The following DOT1L variants were observed in gnomAD, a reference collection of about 807,000 sequenced individuals.
The protein encoded by DOT1L is histone-lysine N-methyltransferase, H3 lysine-79 specific.
In DOT1L, 33 loss-of-function variants were observed where a neutral mutation model predicts 153.3. The observed-to-expected ratio is 0.22, with a 90% CI of 0.16 to 0.29. The LOEUF (loss-of-function observed/expected upper bound fraction) is 0.29. Ranked by LOEUF, DOT1L falls within the 10% of genes least tolerant of loss-of-function variation. The probability of loss-of-function intolerance (pLI) is 1.00; values close to 1 mark genes in which losing one functional copy is unlikely to be tolerated. For missense variants in DOT1L, 1,847 were observed against 2,119.9 expected (o/e 0.87, Z 2.53); for synonymous variants, 1,135 against 965.1 (o/e 1.18, Z -3.26).
intron 27 of DOT1L, chr19:2,228,522 G>A: frequency 8.6e-7 from 1 of 1,164,254 alleles, no homozygotes; most frequent in Non-Finnish European, 1.1e-6. Flanking sequence ...AGACCAGGGA[G>A]ATGGTCGCGA....
intron 8 of DOT1L, 45 bp from the exon 9 acceptor site, chr19:2,202,655 G>A (rs765326663): frequency 9.4e-6 from 15 of 1,591,868 alleles, no homozygotes; most frequent in Middle Eastern, 1.7e-4. Context: ...GGCTGTGCCC[G>A]TGAGACGAGC....
At chr19:2,172,383 G>T (rs2021686044) in intron 1 of DOT1L, among the ~76,000 whole-genome samples, 1 of 151,624 alleles carries the variant, frequency 6.6e-6, no homozygotes, top group Non-Finnish European at 1.5e-5. Flanking sequence ...CAGAGATGGG[G>T]TTTCACCATG....
chr19:2,195,297 G>C (rs1473535921), intron 7 of DOT1L, among the ~76,000 whole-genome samples: 2 of 152,092 alleles, frequency 1.3e-5, no homozygotes, highest in Admixed American at 1.3e-4. Context: ...TAGACACCAG[G>C]CTCCGCCCTG....
intron 1 of DOT1L, among the ~76,000 whole-genome samples, chr19:2,169,769 A>G (rs2020057400): frequency 2.0e-5 from 3 of 152,216 alleles, no homozygotes; most frequent in South Asian, 4.1e-4. Flanking sequence ...GCCCAAATAA[A>G]TGCTCCACTT....
In DOT1L at chr19:2,229,609, G is replaced by A. The variant is rs542229504; in HGVS notation, c.4607-176G>A. ...GGTGTCAGGCTCCCTGGTCTGTCAC[G>A]GGGCACGCCCGTCGTCTGTTGTGGT... On this transcript the variant is annotated intron_variant, in intron 27 of 27. Transcript: ENST00000398665. The A allele has an allele frequency of 2.5e-5, 25 of 985,448 alleles. No individual in the cohort carries two copies. In the Admixed American group the frequency reaches 7.4e-4, roughly 29 times the overall value. 61.0% of individuals were successfully genotyped at this position (985,448 alleles called of 1,614,324 possible). A position where few individuals can be genotyped will look rare whatever the true frequency, so the allele number is the denominator to read the frequency against.
intron 1 of DOT1L, among the ~76,000 whole-genome samples, chr19:2,171,552 C>A (rs141332840): frequency 6.6e-6 from 1 of 152,206 alleles, no homozygotes; most frequent in African/African-American, 2.4e-5. Context: ...GCCCCACCAC[C>A]GAGGGCGGGC....
At chr19:2,183,131 T>C (rs1006849442) in intron 2 of DOT1L, among the ~76,000 whole-genome samples, 2 of 152,162 alleles carry the variant, frequency 1.3e-5, no homozygotes, top group African/African-American at 2.4e-5. Flanking sequence ...CAAACACCAT[T>C]CAGTCCCCAT....
chr19:2,210,352 C>G, intron 12 of DOT1L, 48 bp from the exon 13 acceptor site: 1 of 1,440,514 alleles, frequency 6.9e-7, no homozygotes, highest in Non-Finnish European at 9.2e-7. Flanking sequence ...GCAGGAGGGC[C>G]GTGGGCAGCG....
At chr19:2,227,335 G>A (rs751736272) in intron 27 of DOT1L, 6 of 755,412 alleles carry the variant, frequency 7.9e-6, no homozygotes, top group South Asian at 1.5e-5. Flanking sequence ...GGGTTCTCTG[G>A]TTGTAACCGC....
At chr19:2,227,701 G>T (rs1270806392) in intron 27 of DOT1L, 15 of 1,297,842 alleles carry the variant, frequency 1.2e-5, no homozygotes, top group African/African-American at 3.1e-5. Context: ...GGATGCTGCC[G>T]CTTGTTGAAG....
chr19:2,182,223 A>G (rs1246712282), intron 2 of DOT1L, among the ~76,000 whole-genome samples: 2 of 151,812 alleles, frequency 1.3e-5, no homozygotes, highest in African/African-American at 2.4e-5. Flanking sequence ...GTGAGACTCC[A>G]TCTCAAAAAT....
At position 2,218,000 on chromosome 19, in the gene DOT1L, C is replaced by A; in HGVS notation, c.2691+82C>A. On this transcript the variant is annotated intron_variant, in intron 22 of 27. Coordinates refer to ENST00000398665, the MANE Select transcript of DOT1L (RefSeq NM_032482.3). This position sits in a 1 kb window ranked among gnomAD's most constrained non-coding sequence, Gnocchi z 7.3. ...GGTGCTCGAGACCTGGCTCACTTTG[C>A]GAAGTCTCACGCTGTAAAATGTCGA... 6.6e-7 allele frequency: 1 copy of A among 1,526,656 alleles called. No homozygotes were observed. Among genetic ancestry groups the A allele is most frequent in the Admixed American group, 1.9e-5 (1 of 52,412 alleles). 94.6% of individuals were successfully genotyped at this position (1,526,656 alleles called of 1,614,324 possible).
At chr19:2,210,089 G>T (rs746846205) in intron 12 of DOT1L, among the ~76,000 whole-genome samples, 1 of 152,228 alleles carries the variant, frequency 6.6e-6, no homozygotes, top group Non-Finnish European at 1.5e-5. Flanking sequence ...GGGGCTTCTC[G>T]TCTCCTGTCT....
intron 27 of DOT1L, chr19:2,228,705 G>C (rs2024474547): frequency 1.0e-6 from 1 of 985,422 alleles, no homozygotes; most frequent in Non-Finnish European, 1.2e-6. Flanking sequence ...GGGGCTGGGA[G>C]CTCTAGCTCC....
At chr19:2,227,407 G>A (rs1431043711) in intron 27 of DOT1L, 1 of 671,330 alleles carries the variant, frequency 1.5e-6, no homozygotes, top group South Asian at 1.5e-5. Flanking sequence ...TTTCTCCCGT[G>A]GAGGTCACCT....
Position 2,230,186 on chromosome 19 carries a change from C to G in DOT1L, c.*394C>G, listed in dbSNP as rs1296423534. The G allele has an allele frequency of 2.1e-6, 1 of 469,920 alleles. No homozygotes were observed. The highest frequency in any genetic ancestry group is 3.7e-6 in the Non-Finnish European group (1 of 268,888). The allele number at this position is 469,920 out of a possible 1,614,324, so 29.1% of individuals were successfully genotyped here. ...TGCTATCTCGTCCCCAGGCCCGCGC[C>G]TGCCTCCACCCGCTTGGTGCTGACT... On this transcript the variant is annotated 3_prime_UTR_variant, in exon 28 of 28. Transcript: ENST00000398665.
chr19:2,180,809 G>T (rs1171760273), intron 2 of DOT1L, 53 bp downstream of exon 2: 17 of 1,605,162 alleles, frequency 1.1e-5, no homozygotes, highest in Admixed American at 1.7e-5. Context: ...CCACTTCCGT[G>T]GACACCCGTG....
intron 1 of DOT1L, among the ~76,000 whole-genome samples, chr19:2,176,664 C>T (rs1819629219): frequency 6.6e-6 from 1 of 152,182 alleles, no homozygotes; most frequent in South Asian, 2.1e-4. Context: ...GGCCGACAGC[C>T]CCCTCCAACC....
intron 23 of DOT1L, chr19:2,221,703 A>T (rs1277208550): frequency 2.1e-6 from 1 of 475,692 alleles, no homozygotes. Context: ...CCGCACCAGG[A>T]GGCTTCTTGG....
Sources: allele counts gnomAD v4.1 joint callset (sites outside exome capture counted in the v4.1 genomes callset), GRCh38; gene constraint gnomAD v4.1.1; non-coding constraint Gnocchi (gnomAD v3.1); transcripts MANE v1.5; gene names NCBI Gene and HGNC (gene_info 2026-07-23, HGNC 2026-07-21).